NDUFAF6: variants seen among roughly 807,000 people sequenced by gnomAD.
The protein encoded by NDUFAF6 is NADH:ubiquinone oxidoreductase complex assembly factor 6.
Under a neutral mutation model 40.8 loss-of-function variants are expected in NDUFAF6, and 45 were observed. The ratio of observed to expected loss-of-function variants is 1.10; its 90% CI spans 0.87 to 1.42. NDUFAF6 has a LOEUF of 1.42. NDUFAF6 is among the 40% of genes most tolerant of loss of function. The probability of loss-of-function intolerance (pLI) is 0.00; values close to 1 mark genes in which losing one functional copy is unlikely to be tolerated. For missense variants in NDUFAF6, 435 were observed against 418.5 expected (o/e 1.04, Z -0.34); for synonymous variants, 185 against 155.9 (o/e 1.19, Z -1.39).
chr8:95,080,819 T>C (rs1476817242), downstream of NDUFAF6, among the ~76,000 whole-genome samples: 1 of 152,154 alleles, frequency 6.6e-6, no homozygotes, highest in East Asian at 1.9e-4. Flanking sequence ...AATGACTTAT[T>C]TTCTTTTCTT....
intron 1 of NDUFAF6, among the ~76,000 whole-genome samples, chr8:94,910,082 G>A (rs1001491661): frequency 6.6e-6 from 1 of 151,816 alleles, no homozygotes; most frequent in African/African-American, 2.4e-5. Flanking sequence ...TAAGGTGGGC[G>A]GGAGTTGTGG....
At chr8:95,035,699 T>G in intron 3 of NDUFAF6, 123 bp downstream of exon 3, 6 of 980,206 alleles carry the variant, frequency 6.1e-6, no homozygotes, top group Non-Finnish European at 9.1e-6. Flanking sequence ...CTTAGGCTTA[T>G]GTATTCAGAG....
chr8:95,029,319 A>G (rs754076469), intron 1 of NDUFAF6, among the ~76,000 whole-genome samples: 8 of 152,238 alleles, frequency 5.3e-5, no homozygotes, highest in Non-Finnish European at 8.8e-5. Flanking sequence ...ATTTACATAA[A>G]AATTACAGAA....
chr8:94,954,913 G>T (rs1037320867), upstream of NDUFAF6, among the ~76,000 whole-genome samples: 7 of 152,298 alleles, frequency 4.6e-5, no homozygotes, highest in Admixed American at 2.6e-4. Context: ...AAATTGTAGA[G>T]CCCTGAGAAC....
intron 1 of NDUFAF6, chr8:94,940,101 C>T (rs1185316586): frequency 6.2e-7 from 1 of 1,614,206 alleles, no homozygotes; most frequent in Non-Finnish European, 8.5e-7. Context: ...TCACTTGTAT[C>T]AGCCAAGCAC....
At chr8:94,935,096 TAGG>T (rs1820824728) in intron 1 of NDUFAF6, among the ~76,000 whole-genome samples, 1 of 149,182 alleles carries the variant, frequency 6.7e-6, no homozygotes, top group South Asian at 2.1e-4. Context: ...AAACGGTAGG[TAGG>T]TAGGTAGGTA....
intron 1 of NDUFAF6, among the ~76,000 whole-genome samples, chr8:95,029,039 A>G (rs2599718): frequency 0.91 from 137,992 of 152,134 alleles, 62,868 homozygotes; most frequent in East Asian, 1. Flanking sequence ...TGGCAATTGG[A>G]GGAGACTGTC....
chr8:94,968,096 C>A (rs1824165608), intron 1 of NDUFAF6, among the ~76,000 whole-genome samples: 1 of 152,180 alleles, frequency 6.6e-6, no homozygotes, highest in Non-Finnish European at 1.5e-5. Context: ...GCAACGTGGA[C>A]ATCTCTACTG....
At chr8:95,065,377 G>C (rs1326123846) in intron 9 of NDUFAF6, among the ~76,000 whole-genome samples, 1 of 152,172 alleles carries the variant, frequency 6.6e-6, no homozygotes, top group African/African-American at 2.4e-5. Flanking sequence ...TGGCTTGCTG[G>C]TGGGGAAAAA....
chr8:95,025,313 C>A, intron 1 of NDUFAF6, 108 bp downstream of exon 1: 1 of 1,136,172 alleles, frequency 8.8e-7, no homozygotes, highest in Non-Finnish European at 1.1e-6. Context: ...CGGCGCCTTC[C>A]TCGTGCCCCT....
downstream of NDUFAF6, among the ~76,000 whole-genome samples, chr8:95,105,141 A>C (rs191404287): frequency 6.6e-6 from 1 of 151,904 alleles, no homozygotes; most frequent in African/African-American, 2.4e-5. Flanking sequence ...GAGAAAGAAA[A>C]AGTAGCCTCA....
At chr8:95,076,671 C>T (rs1370836413), downstream of NDUFAF6, among the ~76,000 whole-genome samples, 1 of 151,952 alleles carries the variant, frequency 6.6e-6, no homozygotes, top group African/African-American at 2.4e-5. Flanking sequence ...GTCGGGAGTT[C>T]GAGACCAGAC....
intron 9 of NDUFAF6, chr8:95,068,513 G>A (rs933670866): frequency 6.6e-6 from 1 of 151,888 alleles, no homozygotes; most frequent in African/African-American, 2.4e-5. Context: ...AGGGAATCAA[G>A]TAATTTTCCC....
chr8:95,109,996 G>A (rs958396340), intron 4 of NDUFAF6, among the ~76,000 whole-genome samples: 2 of 152,128 alleles, frequency 1.3e-5, no homozygotes, highest in African/African-American at 2.4e-5. Flanking sequence ...CCTGGATTGT[G>A]GTAAAAAGCA....
intron 9 of NDUFAF6, among the ~76,000 whole-genome samples, chr8:95,071,431 G>A (rs1262625741): frequency 6.7e-6 from 1 of 148,196 alleles, no homozygotes. Flanking sequence ...AAAGCATAAG[G>A]CAGACACTAC....
At chr8:94,931,920 CAA>C in intron 1 of NDUFAF6, 2 of 649,170 alleles carry the variant, frequency 3.1e-6, no homozygotes, top group South Asian at 4.9e-5. Flanking sequence ...TGCTGTGAGC[CAA>C]TATCACACCA....
chr8:94,931,607 C>T (rs201029092), intron 1 of NDUFAF6, among the ~76,000 whole-genome samples: 113,497 of 149,610 alleles, frequency 0.76, 44,857 homozygotes, highest in East Asian at 0.89. Context: ...CACACACACA[C>T]ACATAAAATT....
chr8:94,992,598 A>G, intron 2 of NDUFAF6, among the ~76,000 whole-genome samples: 1 of 152,220 alleles, frequency 6.6e-6, no homozygotes, highest in Admixed American at 6.5e-5. Context: ...TCTTCCCTTC[A>G]ACCAGTCCCA....
chr8:94,985,496 TA>T, intron 2 of NDUFAF6, among the ~76,000 whole-genome samples: 1 of 8,604 alleles, frequency 1.2e-4, no homozygotes, highest in Non-Finnish European at 2.8e-4. Context: ...TATATATATA[TA>T]TATATATATA....
Sources: allele counts gnomAD v4.1 joint callset (sites outside exome capture counted in the v4.1 genomes callset), GRCh38; gene constraint gnomAD v4.1.1; transcripts MANE v1.5; gene names NCBI Gene and HGNC (gene_info 2026-07-23, HGNC 2026-07-21).